PTPRO: variants seen among roughly 807,000 people sequenced by gnomAD.
PTPRO encodes protein tyrosine phosphatase receptor type O.
A neutral mutation model predicts 145.2 loss-of-function variants in PTPRO; 62 were observed. The ratio of observed to expected loss-of-function variants is 0.43; its 90% CI spans 0.35 to 0.53. PTPRO has a LOEUF of 0.53. PTPRO is among the 20% of genes least tolerant of loss of function. PTPRO has a pLI of 0.01. For missense variants in PTPRO, 1,345 were observed against 1,482.7 expected, an observed-to-expected ratio of 0.91 and a Z score of 1.53; for synonymous variants, 565 against 514.7, an observed-to-expected ratio of 1.10 and a Z score of -1.32.
chr12:15,366,354 G>A (rs1395693071), intron 1 of PTPRO, among the ~76,000 whole-genome samples: 1 of 123,522 alleles, frequency 8.1e-6, no homozygotes, highest in African/African-American at 4.5e-5. Flanking sequence ...CCCTAGCTGA[G>A]TGAGGGGGGG....
chr12:15,557,519 A>G lies in PTPRO; in HGVS notation c.2623A>G (p.Asn875Asp), dbSNP rs1943666179. The G allele has an allele frequency of 6.2e-7, 1 of 1,612,880 alleles. No individual in the cohort carries two copies. Among genetic ancestry groups the G allele is most frequent in the African/African-American group, 1.3e-5 (1 of 74,890 alleles). The change falls in exon 16 of 27, where the codon AAC (asparagine) becomes GAC (aspartate). Residue 875 changes from asparagine to aspartate, a missense_variant. Physicochemically the swap from Asn to Asp is conservative, Grantham distance 23. This residue lies in a region of PTPRO where 1,130 missense variants were observed against 1,214.7 expected (regional missense o/e 0.93). Transcript: ENST00000281171. ...SLERDGKLPY[N>D]WRRSIFAFLT... ...AGAGAGGGATGGAAAGCTTCCATAC[A>G]ACTGGTGAGTATTGTTTTGGAACAA...
At chr12:15,411,852 A>G (rs1366343657) in intron 1 of PTPRO, among the ~76,000 whole-genome samples, 1 of 152,248 alleles carries the variant, frequency 6.6e-6, no homozygotes, top group African/African-American at 2.4e-5. Flanking sequence ...GACTTAGCCT[A>G]GCCCTATCAC....
intron 11 of PTPRO, among the ~76,000 whole-genome samples, chr12:15,525,814 A>G (rs761324584): frequency 5.9e-5 from 9 of 152,212 alleles, no homozygotes; most frequent in Non-Finnish European, 1.0e-4. Context: ...CTTAGAATGT[A>G]CATATCAGTA....
At chr12:15,366,266 A>C (rs1038176769) in intron 1 of PTPRO, among the ~76,000 whole-genome samples, 1 of 152,208 alleles carries the variant, frequency 6.6e-6, no homozygotes, top group Non-Finnish European at 1.5e-5. Flanking sequence ...CCTAATCTTT[A>C]CTATAGAAGC....
At chr12:15,507,305 C>T (rs910088876) in intron 6 of PTPRO, among the ~76,000 whole-genome samples, 15 of 151,780 alleles carry the variant, frequency 9.9e-5, no homozygotes, top group African/African-American at 2.4e-4. Context: ...CCCAGCTACT[C>T]GGGAGGCTGA....
intron 1 of PTPRO, among the ~76,000 whole-genome samples, chr12:15,371,218 A>C (rs1009972934): frequency 9.9e-5 from 15 of 151,924 alleles, no homozygotes; most frequent in Non-Finnish European, 2.9e-5. Flanking sequence ...TAAATAAAGA[A>C]CATAACCTCA....
At chr12:15,375,760 CAA>C (rs529757376) in intron 1 of PTPRO, among the ~76,000 whole-genome samples, 21,225 of 84,300 alleles carry the variant, frequency 0.25, 1,717 homozygotes, top group Middle Eastern at 0.34. Context: ...TGTCCCCCAC[CAA>C]AAAAAAAAAA....
rs146543200 is a variant in PTPRO at position 15,575,858 on chromosome 12, A to G, written c.2830-2995A>G. 2.4e-3 allele frequency among the ~76,000 whole-genome samples: 367 copies of G among 152,286 alleles called. 4 individuals carry two copies. Among genetic ancestry groups the G allele is most frequent in the African/African-American group, 8.3e-3 (347 of 41,566 alleles). The stretch of plus-strand genomic sequence containing the variant: ...CAGCAATTCCTTGGCTTGCAGCTGC[A>G]TAACTCTGATCTGTCTCCATCTTTA... On this transcript the variant is annotated intron_variant, in intron 19 of 26. Transcript: ENST00000281171.
intron 1 of PTPRO, among the ~76,000 whole-genome samples, chr12:15,459,724 C>T (rs1161532737): frequency 1.3e-5 from 2 of 152,224 alleles, no homozygotes; most frequent in Non-Finnish European, 2.9e-5. Flanking sequence ...TCTTGAATGC[C>T]TTCTATGTAA....
At chr12:15,366,831 A>G (rs552176629) in intron 1 of PTPRO, among the ~76,000 whole-genome samples, 15 of 152,306 alleles carry the variant, frequency 9.8e-5, no homozygotes, top group African/African-American at 3.6e-4. Context: ...TACATCAGGT[A>G]TAAGACTACA....
intron 1 of PTPRO, among the ~76,000 whole-genome samples, chr12:15,427,917 T>C (rs1241548280): frequency 1.3e-5 from 2 of 152,206 alleles, no homozygotes; most frequent in Non-Finnish European, 2.9e-5. Context: ...TTTCCTCAAA[T>C]ATCTGGTGAA....
intron 1 of PTPRO, among the ~76,000 whole-genome samples, chr12:15,347,788 A>G (rs1162927749): frequency 6.6e-6 from 1 of 152,250 alleles, no homozygotes; most frequent in Non-Finnish European, 1.5e-5. Context: ...CATCTGGTCT[A>G]TTTAGTTACA....
intron 1 of PTPRO, among the ~76,000 whole-genome samples, chr12:15,337,978 T>C (rs927542335): frequency 6.6e-6 from 1 of 152,220 alleles, no homozygotes; most frequent in African/African-American, 2.4e-5. Context: ...TATATCTTGA[T>C]TGTGGTGGTA....
intron 15 of PTPRO, among the ~76,000 whole-genome samples, chr12:15,556,615 T>C (rs1943633948): frequency 6.6e-6 from 1 of 152,190 alleles, no homozygotes; most frequent in Non-Finnish European, 1.5e-5. Flanking sequence ...TCCACTCTTT[T>C]ATTCTAATCT....
At chr12:15,563,041 G>C (rs890457599) in intron 17 of PTPRO, among the ~76,000 whole-genome samples, 7 of 152,020 alleles carry the variant, frequency 4.6e-5, no homozygotes, top group African/African-American at 1.7e-4. Flanking sequence ...TCATGTCCTT[G>C]CTATTGCTTT....
chr12:15,562,445 C>T (rs2135589465), intron 17 of PTPRO, among the ~76,000 whole-genome samples: 1 of 152,282 alleles, frequency 6.6e-6, no homozygotes, highest in South Asian at 2.1e-4. Flanking sequence ...CACTGTCCAA[C>T]TTCCTTTCTA....
At chr12:15,465,617 G>T (rs1336819317) in intron 1 of PTPRO, among the ~76,000 whole-genome samples, 1 of 152,190 alleles carries the variant, frequency 6.6e-6, no homozygotes. Flanking sequence ...TCTTTCTGGG[G>T]TATCCTAAAG....
At chr12:15,551,717 C>G (rs1171221785) in intron 15 of PTPRO, 46 bp downstream of exon 15, 3 of 1,588,114 alleles carry the variant, frequency 1.9e-6, no homozygotes, top group Non-Finnish European at 2.6e-6. Flanking sequence ...TTTAAAATAT[C>G]TTTATCTGCC....
chr12:15,400,068 A>G (rs1387462209), intron 1 of PTPRO, among the ~76,000 whole-genome samples: 1 of 147,740 alleles, frequency 6.8e-6, no homozygotes, highest in Non-Finnish European at 1.5e-5. Context: ...AAAAAAAAAA[A>G]AAGAGCCAGG....
Sources: allele counts gnomAD v4.1 joint callset (sites outside exome capture counted in the v4.1 genomes callset), GRCh38; gene constraint gnomAD v4.1.1; regional missense constraint gnomAD v4.1.1; transcripts MANE v1.5; gene names NCBI Gene and HGNC (gene_info 2026-07-23, HGNC 2026-07-21).